DGKB: variants seen among roughly 807,000 people sequenced by gnomAD.
The protein encoded by DGKB is diacylglycerol kinase beta, also known as 90 kDa diacylglycerol kinase.
Under a neutral mutation model 114.3 loss-of-function variants are expected in DGKB, and 67 were observed. The ratio of observed to expected loss-of-function variants is 0.59; its 90% CI spans 0.48 to 0.72. The LOEUF is 0.72. DGKB is among the 30% of genes least tolerant of loss of function. The probability of loss-of-function intolerance (pLI) is 0.00; values close to 1 mark genes in which losing one functional copy is unlikely to be tolerated. For synonymous variants in DGKB, 398 were observed against 323.1 expected, an observed-to-expected ratio of 1.23 and a Z score of -2.49; for missense variants, 907 against 975.2, an observed-to-expected ratio of 0.93 and a Z score of 0.93.
At chr7:14,971,447 C>T (rs565519839) in intron 1 of DGKB, among the ~76,000 whole-genome samples, 1 of 152,212 alleles carries the variant, frequency 6.6e-6, no homozygotes, top group South Asian at 2.1e-4. Context: ...CACAAGATAG[C>T]TGTCTGTGTG....
At chr7:14,586,301 C>T (rs1035536424) in intron 17 of DGKB, among the ~76,000 whole-genome samples, 1 of 152,050 alleles carries the variant, frequency 6.6e-6, no homozygotes, top group Non-Finnish European at 1.5e-5. Context: ...ATCAAAGGAG[C>T]CACAACATTC....
intron 2 of DGKB, among the ~76,000 whole-genome samples, chr7:14,825,144 C>G (rs959688052): frequency 2.0e-5 from 3 of 149,102 alleles, no homozygotes; most frequent in Admixed American, 1.4e-4. Flanking sequence ...TGTGAAATGT[C>G]TGGCATGCAA....
At chr7:14,461,887 C>T (rs180796044) in intron 21 of DGKB, among the ~76,000 whole-genome samples, 11 of 152,250 alleles carry the variant, frequency 7.2e-5, no homozygotes, top group African/African-American at 1.4e-4. Flanking sequence ...TCCAGCAGGA[C>T]GTCAAAAAGC....
Position 14,753,961 on chromosome 7 carries a change from G to A in DGKB, c.148-13C>T. On this transcript the variant is annotated splice_polypyrimidine_tract_variant and intron_variant, in intron 3 of 25. Coordinates refer to ENST00000402815, the MANE Select transcript of DGKB (RefSeq NM_001350709.2). ...GAATGTCTTGTTTCTGTGCATGCAA[G>A]GAAAGAAAGAATACATGTGTTAATG... 3 of 1,505,740 alleles carry A rather than the reference G, an allele frequency of 2.0e-6. No homozygotes were observed. The highest frequency in any genetic ancestry group is 2.7e-6 in the Non-Finnish European group (3 of 1,098,638). 93.3% of individuals were successfully genotyped at this position (1,505,740 alleles called of 1,614,324 possible).
intron 23 of DGKB, among the ~76,000 whole-genome samples, chr7:14,231,043 G>A (rs1223614941): frequency 3.9e-5 from 6 of 152,006 alleles, no homozygotes; most frequent in South Asian, 4.1e-4. Flanking sequence ...GTTGGCTGAC[G>A]AATTGTATTA....
chr7:14,439,865 C>CAA (rs756256822), intron 21 of DGKB, among the ~76,000 whole-genome samples: 3,797 of 103,834 alleles, frequency 0.037, 182 homozygotes, highest in African/African-American at 0.1. Flanking sequence ...ACTCTGTTTC[C>CAA]AAAAAAAAAA....
intron 13 of DGKB, among the ~76,000 whole-genome samples, chr7:14,648,924 G>C (rs2128893434): frequency 8.2e-6 from 1 of 122,116 alleles, no homozygotes; most frequent in East Asian, 2.3e-4. Flanking sequence ...ATGAAATGAA[G>C]CGAGAAGGGA....
intron 21 of DGKB, among the ~76,000 whole-genome samples, chr7:14,474,540 G>A (rs932354813): frequency 7.9e-5 from 12 of 152,048 alleles, no homozygotes; most frequent in African/African-American, 2.9e-4. Context: ...TTTTACACAA[G>A]GAATTCCACA....
At chr7:14,504,673 A>C (rs900892495) in intron 20 of DGKB, among the ~76,000 whole-genome samples, 1 of 152,224 alleles carries the variant, frequency 6.6e-6, no homozygotes, top group Non-Finnish European at 1.5e-5. Context: ...TCAGTATATG[A>C]AAACACAAAG....
At chr7:14,887,717 C>T (rs1022793185) in intron 1 of DGKB, among the ~76,000 whole-genome samples, 1 of 151,608 alleles carries the variant, frequency 6.6e-6, no homozygotes, top group Non-Finnish European at 1.5e-5. Flanking sequence ...TTCCTCTTGC[C>T]CTGACTTATT....
rs1173397504 is a variant in DGKB at position 14,401,564 on chromosome 7, G to A, written c.1836-56173C>T. On this transcript the variant is annotated intron_variant, in intron 21 of 25. Transcript: ENST00000402815. Reference sequence around the variant, plus strand: ...GACAGCTCTGGCTGACAGGAATAGTGGGATGTTCTGTCAAGGCCATCACCT... The same window carrying A: ...GACAGCTCTGGCTGACAGGAATAGTAGGATGTTCTGTCAAGGCCATCACCT... 2.0e-5 allele frequency among the ~76,000 whole-genome samples: 3 copies of A among 151,816 alleles called. No individual in the cohort carries two copies. In the East Asian group the frequency reaches 5.8e-4, roughly 29 times the overall value.
chr7:14,743,856 T>C (rs1376615757), intron 4 of DGKB, among the ~76,000 whole-genome samples: 1 of 152,152 alleles, frequency 6.6e-6, no homozygotes, highest in African/African-American at 2.4e-5. Context: ...CTTCAAAAGA[T>C]GGTTAATAAT....
chr7:14,285,240 T>C (rs1800691174), intron 23 of DGKB, among the ~76,000 whole-genome samples: 1 of 152,114 alleles, frequency 6.6e-6, no homozygotes, highest in African/African-American at 2.4e-5. Flanking sequence ...ATACTGCCAT[T>C]AGGTGGGTGC....
At chr7:14,221,707 A>AT (rs1378676056) in intron 23 of DGKB, among the ~76,000 whole-genome samples, 1 of 151,134 alleles carries the variant, frequency 6.6e-6, no homozygotes, top group African/African-American at 2.4e-5. Context: ...ATTTCTCCTC[A>AT]TTTTTTGGAA....
At chr7:14,485,891 CA>C (rs11454311) in intron 20 of DGKB, among the ~76,000 whole-genome samples, 3,741 of 115,214 alleles carry the variant, frequency 0.032, 97 homozygotes, top group African/African-American at 0.091. Flanking sequence ...AACTCCATCT[CA>C]AAAAAAAAAA....
intron 17 of DGKB, among the ~76,000 whole-genome samples, chr7:14,592,696 T>C (rs1283521496): frequency 6.6e-6 from 1 of 151,918 alleles, no homozygotes; most frequent in Non-Finnish European, 1.5e-5. Flanking sequence ...ATGCATGAAT[T>C]ATTTATGCTC....
At chr7:14,541,766 T>C (rs1793497679) in intron 20 of DGKB, among the ~76,000 whole-genome samples, 1 of 152,228 alleles carries the variant, frequency 6.6e-6, no homozygotes, top group Non-Finnish European at 1.5e-5. Flanking sequence ...CTTTCTTCCA[T>C]GTTCCAGACC....
chr7:14,518,105 T>A (rs935523025), intron 20 of DGKB, among the ~76,000 whole-genome samples: 5 of 152,144 alleles, frequency 3.3e-5, no homozygotes, highest in Non-Finnish European at 7.4e-5. Context: ...ATGTGGTACA[T>A]ATACACTATG....
chr7:14,959,470 C>G (rs1786716512), intron 1 of DGKB, among the ~76,000 whole-genome samples: 1 of 151,478 alleles, frequency 6.6e-6, no homozygotes, highest in Non-Finnish European at 1.5e-5. Flanking sequence ...ACATCATAAT[C>G]CAGCTTCTTG....
Sources: allele counts gnomAD v4.1 joint callset (sites outside exome capture counted in the v4.1 genomes callset), GRCh38; gene constraint gnomAD v4.1.1; transcripts MANE v1.5; gene names NCBI Gene and HGNC (gene_info 2026-07-23, HGNC 2026-07-21).